The following ACACA variants were observed in gnomAD, a reference collection of about 807,000 sequenced individuals.
The protein encoded by ACACA is acetyl-CoA carboxylase 1.
ACACA carries 103 observed loss-of-function variants against 296.1 expected under a neutral mutation model. That is an observed-to-expected ratio of 0.35 (90% CI 0.30 to 0.41). The LOEUF (loss-of-function observed/expected upper bound fraction) is 0.41. ACACA is among the 10% of genes least tolerant of loss of function. The pLI, the probability that ACACA is intolerant of heterozygous loss-of-function variation, is 1.00. For missense variants in ACACA, 1,554 were observed against 2,989.7 expected (o/e 0.52, Z 11.20); for synonymous variants, 953 against 1,038.6 (o/e 0.92, Z 1.58).
intron 28 of ACACA, 63 bp downstream of exon 28, chr17:37,223,449 T>C (rs2079387726): frequency 1.3e-5 from 17 of 1,354,432 alleles, no homozygotes; most frequent in South Asian, 4.7e-5. Context: ...GGCAGCCAAA[T>C]AGACAGAAGA....
intron 2 of ACACA, among the ~76,000 whole-genome samples, chr17:37,336,072 C>A (rs2048103482): frequency 6.6e-6 from 1 of 152,152 alleles, no homozygotes; most frequent in Non-Finnish European, 1.5e-5. Flanking sequence ...GACCCTGTAT[C>A]TTTAACCTCC....
At chr17:37,375,490 A>G (rs1001304735) in intron 1 of ACACA, among the ~76,000 whole-genome samples, 2 of 152,170 alleles carry the variant, frequency 1.3e-5, no homozygotes, top group South Asian at 4.1e-4. Flanking sequence ...CTGCCTCAAA[A>G]AAAAAAGAGA....
intron 11 of ACACA, among the ~76,000 whole-genome samples, chr17:37,260,294 ATATT>A (rs1567900018): frequency 2.0e-4 from 3 of 14,706 alleles, no homozygotes; most frequent in South Asian, 2.6e-3. Flanking sequence ...ATATATATAT[ATATT>A]TTTTTTTTTT....
chr17:37,346,562 C>T (rs928401134), intron 1 of ACACA, among the ~76,000 whole-genome samples: 45 of 151,394 alleles, frequency 3.0e-4, no homozygotes, highest in Non-Finnish European at 1.5e-4. Flanking sequence ...ATTAGCCGGG[C>T]GTGGTGGCGG....
At chr17:37,177,419 C>T (rs1598077572) in intron 41 of ACACA, among the ~76,000 whole-genome samples, 1 of 152,080 alleles carries the variant, frequency 6.6e-6, no homozygotes, top group South Asian at 2.1e-4. Flanking sequence ...GAACAGAGCT[C>T]TGTCCCTCTG....
intron 45 of ACACA, among the ~76,000 whole-genome samples, chr17:37,137,053 T>C (rs577276930): frequency 5.2e-5 from 8 of 152,384 alleles, no homozygotes; most frequent in Admixed American, 2.0e-4. Flanking sequence ...CATCTTTTCA[T>C]GTGCTTATTT....
chr17:37,282,821 T>G (rs2082603646), intron 5 of ACACA, among the ~76,000 whole-genome samples: 1 of 151,750 alleles, frequency 6.6e-6, no homozygotes, highest in African/African-American at 2.4e-5. Context: ...ATTTACAGAG[T>G]GAAACACACT....
At chr17:37,092,963 G>A (rs1468911816) in intron 54 of ACACA, among the ~76,000 whole-genome samples, 2 of 152,242 alleles carry the variant, frequency 1.3e-5, no homozygotes, top group African/African-American at 4.8e-5. Flanking sequence ...ATAGCCAAAG[G>A]ACATGTGGGC....
chr17:37,356,569 G>A (rs894907769), intron 1 of ACACA, among the ~76,000 whole-genome samples: 1 of 151,894 alleles, frequency 6.6e-6, no homozygotes, highest in Non-Finnish European at 1.5e-5. Context: ...TAGTAGAGAC[G>A]GGGTTTCACT....
chr17:37,306,511 G>C (rs1182635644), intron 3 of ACACA, among the ~76,000 whole-genome samples: 2 of 151,940 alleles, frequency 1.3e-5, no homozygotes, highest in African/African-American at 4.8e-5. Context: ...AATATTTCCA[G>C]AGTCCCAGAA....
At chr17:37,186,451 A>G (rs2077535423) in intron 39 of ACACA, among the ~76,000 whole-genome samples, 1 of 152,248 alleles carries the variant, frequency 6.6e-6, no homozygotes, top group Non-Finnish European at 1.5e-5. Flanking sequence ...AAATTAAAAA[A>G]CAAATGAACG....
At chr17:37,200,106 A>G in intron 35 of ACACA, 33 bp downstream of exon 35, 1 of 1,507,638 alleles carries the variant, frequency 6.6e-7, no homozygotes, top group Non-Finnish European at 9.2e-7. Flanking sequence ...ATAAAACAGT[A>G]AGTAATCTTT....
At chr17:37,342,263 C>T (rs1254592929) in intron 1 of ACACA, among the ~76,000 whole-genome samples, 1 of 151,002 alleles carries the variant, frequency 6.6e-6, no homozygotes, top group Non-Finnish European at 1.5e-5. Flanking sequence ...CAAAAATTAG[C>T]CAGGCATGGT....
Position 37,087,039 on chromosome 17 carries a change from CT to C in ACACA, c.*276del. The C allele has an allele frequency of 1.9e-6, 1 of 537,758 alleles. No individual in the cohort carries two copies. Among genetic ancestry groups the C allele is most frequent in the Non-Finnish European group, 3.4e-6 (1 of 297,264 alleles). 33.3% of individuals were successfully genotyped at this position (537,758 alleles called of 1,614,324 possible). A position where few individuals can be genotyped will look rare whatever the true frequency, so the allele number is the denominator to read the frequency against. Reference sequence around the variant, plus strand: ...AAGACCTCATGGTACATGTTTGTACCTTTCATTGCCTTCTCAGTCCTGTGCA... The same window carrying C: ...AAGACCTCATGGTACATGTTTGTACCTTCATTGCCTTCTCAGTCCTGTGCA... On this transcript the variant is annotated 3_prime_UTR_variant, in exon 56 of 56. Transcript: ENST00000616317.
chr17:37,397,156 C>T (rs183225763), intron 1 of ACACA, among the ~76,000 whole-genome samples: 3 of 151,850 alleles, frequency 2.0e-5, no homozygotes, highest in East Asian at 1.9e-4. Flanking sequence ...TCTGTCCTTG[C>T]GATATTTGCT....
intron 52 of ACACA, among the ~76,000 whole-genome samples, chr17:37,107,908 G>A (rs988813352): frequency 6.6e-6 from 1 of 152,226 alleles, no homozygotes; most frequent in Non-Finnish European, 1.5e-5. Flanking sequence ...TAGCAAGGCC[G>A]TCCCGCTCCA....
intron 26 of ACACA, 188 bp from the exon 27 acceptor site, chr17:37,225,293 T>C: frequency 1.8e-6 from 1 of 561,592 alleles, no homozygotes; most frequent in Non-Finnish European, 3.2e-6. Flanking sequence ...ATACTGAATC[T>C]CAGTTGACTC....
At chr17:37,158,679 T>C (rs1164486830) in intron 42 of ACACA, among the ~76,000 whole-genome samples, 2 of 151,828 alleles carry the variant, frequency 1.3e-5, no homozygotes, top group Admixed American at 6.6e-5. Flanking sequence ...CAAGGGAAGG[T>C]GAATAGGAAA....
At position 37,113,733 on chromosome 17, in the gene ACACA, C is replaced by T. The variant is rs2074098691; in HGVS notation, c.6275-468G>A. Among the ~76,000 whole-genome samples, 1 of 152,164 alleles carries T rather than the reference C, an allele frequency of 6.6e-6. No homozygotes were observed. The highest frequency in any genetic ancestry group is 1.5e-5 in the Non-Finnish European group (1 of 68,026). On this transcript the variant is annotated intron_variant, in intron 50 of 55. Coordinates refer to ENST00000616317, the MANE Select transcript of ACACA (RefSeq NM_198834.3). The surrounding 1 kb of genome is among the most constrained non-coding windows in gnomAD (Gnocchi z 4.0). ...AATGTGCACCTAATGGAAATTGATC[C>T]TTTAAAAATTTTATCTTCAAAAACT...
Sources: gnomAD v4.1 joint callset for allele counts (sites outside exome capture counted in the v4.1 genomes callset) on GRCh38, gnomAD v4.1.1 for gene constraint, Gnocchi (gnomAD v3.1) non-coding constraint, MANE v1.5 for transcripts, NCBI Gene and HGNC (gene_info 2026-07-23, HGNC 2026-07-21) for gene names.